Variants in CRLF3 observed in about 807,000 individuals in gnomAD.
CRLF3 encodes cytokine receptor like factor 3.
In CRLF3, 33 loss-of-function variants were observed where a neutral mutation model predicts 55.0. The ratio of observed to expected loss-of-function variants is 0.60; its 90% CI spans 0.46 to 0.80. CRLF3 has a LOEUF of 0.80. Ranked by LOEUF, CRLF3 falls within the 30% of genes least tolerant of loss-of-function variation. The pLI, the probability that CRLF3 is intolerant of heterozygous loss-of-function variation, is 0.00. For missense variants in CRLF3, 494 were observed against 538.4 expected (o/e 0.92, Z 0.82); for synonymous variants, 238 against 196.8 (o/e 1.21, Z -1.75).
chr17:30,794,793 C>G (rs988741576), intron 4 of CRLF3, among the ~76,000 whole-genome samples: 3 of 151,796 alleles, frequency 2.0e-5, no homozygotes, highest in African/African-American at 4.8e-5. Flanking sequence ...GACCCTGTCT[C>G]AAAAACAAAC....
chr17:30,814,405 G>A (rs28722103), intron 1 of CRLF3, among the ~76,000 whole-genome samples: 19,326 of 152,208 alleles, frequency 0.13, 1,291 homozygotes, highest in South Asian at 0.25. Context: ...TGTAATTCCA[G>A]CACTTTGTGA....
intron 6 of CRLF3, among the ~76,000 whole-genome samples, chr17:30,788,563 A>AGGGACT (rs928665242): frequency 6.8e-6 from 1 of 147,904 alleles, no homozygotes; most frequent in Non-Finnish European, 1.5e-5. Context: ...AAGCTTCAGC[A>AGGGACT]GGGACTGACT....
chr17:30,784,693 G>C, intron 7 of CRLF3: 1 of 387,796 alleles, frequency 2.6e-6, no homozygotes. Flanking sequence ...GAAATAGCAA[G>C]ACTATTTCTT....
chr17:30,814,963 A>C (rs1023119605), intron 1 of CRLF3, among the ~76,000 whole-genome samples: 2 of 151,464 alleles, frequency 1.3e-5, no homozygotes, highest in African/African-American at 4.8e-5. Flanking sequence ...ATATTGCGCC[A>C]TTGCACTCCA....
chr17:30,803,343 T>C (rs907024120), intron 2 of CRLF3, among the ~76,000 whole-genome samples: 5 of 152,144 alleles, frequency 3.3e-5, no homozygotes, highest in African/African-American at 1.2e-4. Flanking sequence ...TAATTATAAC[T>C]AACACTTCAA....
intron 7 of CRLF3, 96 bp from the exon 8 acceptor site, chr17:30,784,539 T>C: frequency 1.8e-6 from 2 of 1,137,994 alleles, no homozygotes; most frequent in Non-Finnish European, 2.5e-6. Flanking sequence ...CATTTCCTAA[T>C]TCAGATTTTA....
intron 1 of CRLF3, among the ~76,000 whole-genome samples, chr17:30,824,217 C>A (rs565829876): frequency 1.3e-5 from 2 of 151,762 alleles, no homozygotes; most frequent in South Asian, 2.1e-4. Context: ...ACCCGCATGA[C>A]CCCCTCGGAT....
chr17:30,811,803 C>CAAAAAA (rs915710879), intron 1 of CRLF3, among the ~76,000 whole-genome samples: 24 of 27,754 alleles, frequency 8.6e-4, no homozygotes, highest in South Asian at 3.8e-3. Context: ...GACTCTGTCT[C>CAAAAAA]AAAAAAAAAA....
At chr17:30,789,861 A>AT (rs1206049519) in intron 6 of CRLF3, among the ~76,000 whole-genome samples, 1 of 152,208 alleles carries the variant, frequency 6.6e-6, no homozygotes, top group Admixed American at 6.5e-5. Context: ...TTGCACAGAA[A>AT]TACCTTGTTC....
At chr17:30,821,354 A>G (rs1904993233) in intron 1 of CRLF3, among the ~76,000 whole-genome samples, 1 of 144,228 alleles carries the variant, frequency 6.9e-6, no homozygotes, top group African/African-American at 2.6e-5. Context: ...AAAAAAAAAA[A>G]GAAAAAAGGA....
chr17:30,784,290 T>C lies in CRLF3; in HGVS notation c.1226A>G (p.Asn409Ser), dbSNP rs1263015851. The change falls in exon 8 of 8, where the codon AAT (asparagine) becomes AGT (serine). Residue 409 changes from asparagine (N) to serine (S), a missense_variant. Asn to Ser is a conservative substitution (Grantham distance 46). Coordinates refer to ENST00000324238, the MANE Select transcript of CRLF3 (RefSeq NM_015986.4). ...HFKLRVTISSNNREVVFDWLL... is the reference protein window; with the variant it reads ...HFKLRVTISSSNREVVFDWLL... ...CCAGTCAAAAACCACTTCTCTATTA[T>C]TTGAACTTATAGTTACTCGAAGCTT... 2 of 1,614,000 alleles carry C rather than the reference T, an allele frequency of 1.2e-6. No homozygotes were observed. The highest frequency in any genetic ancestry group is 4.5e-5 in the East Asian group (2 of 44,898).
At chr17:30,806,143 G>C (rs1299892723) in intron 1 of CRLF3, among the ~76,000 whole-genome samples, 1 of 152,158 alleles carries the variant, frequency 6.6e-6, no homozygotes, top group Non-Finnish European at 1.5e-5. Context: ...AGGCCTGTAG[G>C]AGGCAGAGCT....
At chr17:30,807,657 T>C (rs1443332782) in intron 1 of CRLF3, among the ~76,000 whole-genome samples, 1 of 150,548 alleles carries the variant, frequency 6.6e-6, no homozygotes, top group Non-Finnish European at 1.5e-5. Context: ...CTTAGTCTCC[T>C]GAGTAGCTGA....
chr17:30,793,337 C>G, intron 5 of CRLF3, 113 bp downstream of exon 5: 1 of 753,986 alleles, frequency 1.3e-6, no homozygotes, highest in Non-Finnish European at 2.2e-6. Flanking sequence ...TTGTTCTTAT[C>G]AATTCAGGAT....
chr17:30,798,204 C>T (rs910146425), intron 2 of CRLF3, among the ~76,000 whole-genome samples: 7 of 151,836 alleles, frequency 4.6e-5, no homozygotes, highest in African/African-American at 1.7e-4. Context: ...ATGGTGAAAC[C>T]CTGTCTCTAC....
chr17:30,787,397 A>G lies in CRLF3; in HGVS notation c.960-1366T>C, dbSNP rs372794628. 9.2e-5 allele frequency: 14 copies of G among 152,318 alleles called. 1 individual carries two copies. The South Asian group carries it at 1.2e-3, about 14-fold the overall frequency. 9.4% of individuals were successfully genotyped at this position (152,318 alleles called of 1,614,324 possible). Reference sequence around the variant, plus strand: ...ACTATTCAAGCATGAAGAACTTCCTATGTGGCAAGTTTAAGCTTTTCCTTT... The same window carrying G: ...ACTATTCAAGCATGAAGAACTTCCTGTGTGGCAAGTTTAAGCTTTTCCTTT... On this transcript the variant is annotated intron_variant, in intron 6 of 7. Coordinates refer to ENST00000324238, the MANE Select transcript of CRLF3 (RefSeq NM_015986.4).
intron 3 of CRLF3, 83 bp downstream of exon 3, chr17:30,797,228 T>A: frequency 1.0e-6 from 1 of 957,972 alleles, no homozygotes; most frequent in Non-Finnish European, 1.7e-6. Flanking sequence ...TCTCCCTTAA[T>A]GAGAATCTTG....
intron 1 of CRLF3, among the ~76,000 whole-genome samples, chr17:30,808,275 A>ATTTTTTTTTTTTTTTTTTTTT (rs1465392242): frequency 9.7e-6 from 1 of 103,432 alleles, no homozygotes; most frequent in African/African-American, 3.8e-5. Flanking sequence ...CCTAGAACCT[A>ATTTTTTTTTTTTTTTTTTTTT]TATTTTTTTT....
intron 6 of CRLF3, 21 bp downstream of exon 6, chr17:30,792,419 G>A (rs763962711): frequency 6.3e-7 from 1 of 1,593,742 alleles, no homozygotes; most frequent in African/African-American, 1.3e-5. Context: ...AGGCAGGTGA[G>A]ATGTTTTAAT....
Sources: gnomAD v4.1 joint callset for allele counts (sites outside exome capture counted in the v4.1 genomes callset) on GRCh38, gnomAD v4.1.1 for gene constraint, MANE v1.5 for transcripts, NCBI Gene and HGNC (gene_info 2026-07-23, HGNC 2026-07-21) for gene names.